DAB2IP: variants seen among roughly 807,000 people sequenced by gnomAD.
The protein encoded by DAB2IP is DAB2 interacting protein.
A neutral mutation model predicts 107.2 loss-of-function variants in DAB2IP; 28 were observed. The ratio of observed to expected loss-of-function variants is 0.26; its 90% CI spans 0.19 to 0.36. The LOEUF is 0.36. Ranked by LOEUF, DAB2IP falls within the 10% of genes least tolerant of loss-of-function variation. The pLI is 1.00. For synonymous variants in DAB2IP, 755 were observed against 706.4 expected (o/e 1.07, Z -1.09); for missense variants, 1,400 against 1,644.7 (o/e 0.85, Z 2.57).
intron 1 of DAB2IP, among the ~76,000 whole-genome samples, chr9:121,587,893 A>G (rs2118920905): frequency 6.6e-6 from 1 of 152,312 alleles, no homozygotes; most frequent in South Asian, 2.1e-4. Flanking sequence ...TTACACTAAA[A>G]AAAATTCATT....
upstream of DAB2IP, among the ~76,000 whole-genome samples, chr9:121,647,812 CACATATATAT>C (rs1832589415): frequency 6.7e-6 from 1 of 149,290 alleles, no homozygotes; most frequent in African/African-American, 2.5e-5. Flanking sequence ...CCCATATATA[CACATATATAT>C]ACATACATAT....
intron 3 of DAB2IP, among the ~76,000 whole-genome samples, chr9:121,719,268 C>A: frequency 6.6e-6 from 1 of 152,200 alleles, no homozygotes; most frequent in Non-Finnish European, 1.5e-5. Flanking sequence ...AAGTTGGAGA[C>A]CCTGGCCTGC....
intron 1 of DAB2IP, among the ~76,000 whole-genome samples, chr9:121,641,968 C>T (rs1390881547): frequency 2.9e-5 from 3 of 101,826 alleles, no homozygotes; most frequent in African/African-American, 5.0e-5. Flanking sequence ...CTTTCTCTCT[C>T]TCTCTTTCTT....
upstream of DAB2IP, among the ~76,000 whole-genome samples, chr9:121,647,381 T>TC (rs1491122828): frequency 6.6e-6 from 1 of 152,186 alleles, no homozygotes; most frequent in African/African-American, 2.4e-5. Flanking sequence ...TGCTTTTTTT[T>TC]CTCTCTTTTC....
intron 1 of DAB2IP, among the ~76,000 whole-genome samples, chr9:121,589,168 G>A (rs1278613097): frequency 1.3e-5 from 2 of 152,128 alleles, no homozygotes; most frequent in Non-Finnish European, 2.9e-5. Context: ...GGGAGAACTA[G>A]TAGACATGGA....
At chr9:121,734,660 C>G (rs1436075890) in intron 3 of DAB2IP, among the ~76,000 whole-genome samples, 1 of 152,200 alleles carries the variant, frequency 6.6e-6, no homozygotes, top group Non-Finnish European at 1.5e-5. Flanking sequence ...GGGGATGACT[C>G]AACAAGGGGA....
At chr9:121,590,222 C>G (rs544680263) in intron 1 of DAB2IP, among the ~76,000 whole-genome samples, 2 of 150,526 alleles carry the variant, frequency 1.3e-5, no homozygotes, top group East Asian at 3.9e-4. Flanking sequence ...ACTACTTATG[C>G]TCCGTGACCG....
chr9:121,729,205 C>T (rs1234500219), intron 3 of DAB2IP, among the ~76,000 whole-genome samples: 3 of 152,172 alleles, frequency 2.0e-5, no homozygotes, highest in African/African-American at 7.2e-5. Flanking sequence ...CCTCCCTGGG[C>T]TCACACAGCC....
In DAB2IP at chr9:121,772,583, C is replaced by T. The variant is rs768944486; in HGVS notation, c.2079-24C>T. On this transcript the variant is annotated intron_variant, in intron 11 of 15. Transcript: ENST00000408936. This position sits in a 1 kb window ranked among gnomAD's most constrained non-coding sequence, Gnocchi z 4.7. ...CAGTTCTTCTTTTCCCCTTCTTTCC[C>T]TGTGTGTGCTTGTCTCCCTGCAGTC... is the stretch of plus-strand genomic sequence containing the variant. 1 of 1,593,974 alleles carries T rather than the reference C, an allele frequency of 6.3e-7. No individual in the cohort carries two copies. The highest frequency in any genetic ancestry group is 8.6e-7 in the Non-Finnish European group (1 of 1,167,794).
At chr9:121,774,058 A>G (rs906232769) in intron 12 of DAB2IP, among the ~76,000 whole-genome samples, 2 of 152,122 alleles carry the variant, frequency 1.3e-5, no homozygotes, top group Non-Finnish European at 1.5e-5. Context: ...GCCACCTGGC[A>G]CCTGTCAGCT....
At chr9:121,737,609 C>A (rs866569469) in intron 3 of DAB2IP, 1 of 985,434 alleles carries the variant, frequency 1.0e-6, no homozygotes, top group Non-Finnish European at 1.2e-6. Context: ...AGGGGCTGCT[C>A]ACTGGAGACC....
chr9:121,683,130 G>T (rs529516010), intron 2 of DAB2IP, among the ~76,000 whole-genome samples: 1 of 152,174 alleles, frequency 6.6e-6, no homozygotes, highest in African/African-American at 2.4e-5. Context: ...CCCTGGATCT[G>T]CATAGACCAA....
At chr9:121,737,799 G>T in intron 3 of DAB2IP, 1 of 984,608 alleles carries the variant, frequency 1.0e-6, no homozygotes, top group Non-Finnish European at 1.2e-6. Context: ...CCAGGTATGG[G>T]GTCAGACAGG....
At chr9:121,728,600 C>T (rs1323195007) in intron 3 of DAB2IP, among the ~76,000 whole-genome samples, 3 of 152,080 alleles carry the variant, frequency 2.0e-5, no homozygotes, top group African/African-American at 4.8e-5. Context: ...ACATACCCAA[C>T]CCTCCAGAGC....
At chr9:121,779,360 T>C (rs1182596507) in intron 14 of DAB2IP, among the ~76,000 whole-genome samples, 1 of 152,274 alleles carries the variant, frequency 6.6e-6, no homozygotes, top group Non-Finnish European at 1.5e-5. Context: ...CATCTGAGTC[T>C]GTTTTTACTG....
At chr9:121,676,006 C>T (rs796797817) in intron 1 of DAB2IP, among the ~76,000 whole-genome samples, 13 of 152,302 alleles carry the variant, frequency 8.5e-5, no homozygotes, top group African/African-American at 2.9e-4. Flanking sequence ...AAGCACCGTG[C>T]GGGAACAGCA....
intron 1 of DAB2IP, among the ~76,000 whole-genome samples, chr9:121,616,551 A>T (rs1164609168): frequency 6.6e-6 from 1 of 152,174 alleles, no homozygotes; most frequent in Non-Finnish European, 1.5e-5. Flanking sequence ...AACAGTGACT[A>T]AAAAGAATGT....
exon 7 of DAB2IP, chr9:121,763,520 C>G (rs1472972341): frequency 6.2e-7 from 1 of 1,613,380 alleles, no homozygotes; most frequent in Non-Finnish European, 8.5e-7. Context: ...CCTGACAGAC[C>G]TGATGATGTC....
At chr9:121,676,089 G>A (rs775030696) in intron 1 of DAB2IP, among the ~76,000 whole-genome samples, 2 of 152,226 alleles carry the variant, frequency 1.3e-5, no homozygotes, top group Non-Finnish European at 2.9e-5. Context: ...GAGGCGCCTG[G>A]GGCTGGATGG....
Sources: allele counts gnomAD v4.1 joint callset (sites outside exome capture counted in the v4.1 genomes callset), GRCh38; gene constraint gnomAD v4.1.1; non-coding constraint Gnocchi (gnomAD v3.1); transcripts MANE v1.5; gene names NCBI Gene and HGNC (gene_info 2026-07-23, HGNC 2026-07-21).